STK40: variants seen among roughly 807,000 people sequenced by gnomAD.
STK40 encodes the protein serine/threonine kinase 40.
A neutral mutation model predicts 47.9 loss-of-function variants in STK40; 13 were observed. The observed-to-expected ratio is 0.27, with a 90% CI of 0.18 to 0.43. STK40 has a LOEUF of 0.43. Among genes scored for constraint, STK40 ranks in the 20% least tolerant of loss-of-function variants. The pLI, the probability that STK40 is intolerant of heterozygous loss-of-function variation, is 1.00. For missense variants in STK40, 460 were observed against 595.1 expected (o/e 0.77, Z 2.36); for synonymous variants, 225 against 243.2 (o/e 0.93, Z 0.69).
At chr1:36,369,467 C>A (rs1557520356) in intron 1 of STK40, among the ~76,000 whole-genome samples, 1 of 152,172 alleles carries the variant, frequency 6.6e-6, no homozygotes. Context: ...TAGAATACTT[C>A]TCCAGCCTCA....
intron 1 of STK40, among the ~76,000 whole-genome samples, chr1:36,378,522 G>A (rs1246692975): frequency 1.3e-5 from 2 of 151,688 alleles, no homozygotes; most frequent in South Asian, 2.1e-4. Context: ...GCAGTGACAC[G>A]ATCTTGGCTC....
Position 36,358,836 on chromosome 1 carries a change from A to C in STK40, c.113-14T>G, listed in dbSNP as rs756894171. ...CCAGACGGGGACCTACGGCACAGAG[A>C]GCTGCTGGTCTACTTTTCAGAAGCC... is the stretch of plus-strand genomic sequence containing the variant. On this transcript the variant is annotated splice_polypyrimidine_tract_variant and intron_variant, in intron 2 of 10. Transcript: ENST00000373132. The C allele has an allele frequency of 2.5e-6, 4 of 1,614,060 alleles. No individual in the cohort carries two copies. Among genetic ancestry groups the C allele is most frequent in the Middle Eastern group, 1.7e-4 (1 of 6,060 alleles).
intron 1 of STK40, among the ~76,000 whole-genome samples, chr1:36,379,683 G>C (rs562303302): frequency 6.6e-6 from 1 of 152,172 alleles, no homozygotes; most frequent in African/African-American, 2.4e-5. Flanking sequence ...CCCGGCCTGG[G>C]TTGTAGCCTC....
intron 6 of STK40, among the ~76,000 whole-genome samples, chr1:36,353,145 C>T (rs1291198989): frequency 6.6e-6 from 1 of 152,246 alleles, no homozygotes; most frequent in African/African-American, 2.4e-5. Flanking sequence ...GAATCACCCA[C>T]CACAACACTT....
At chr1:36,375,171 G>C (rs1300130236) in intron 1 of STK40, among the ~76,000 whole-genome samples, 1 of 152,162 alleles carries the variant, frequency 6.6e-6, no homozygotes, top group Non-Finnish European at 1.5e-5. Context: ...AGGATTGCCA[G>C]GGCCCAGTAC....
intron 1 of STK40, among the ~76,000 whole-genome samples, chr1:36,367,197 C>G (rs1273456000): frequency 6.6e-6 from 1 of 152,086 alleles, no homozygotes; most frequent in Non-Finnish European, 1.5e-5. Context: ...CCCTTAGAAC[C>G]TGAACTCAAC....
rs150288399 is a variant in STK40, at chr1:36,366,280, C to T, written c.-8-4940G>A. ...CCCGCCCCTCCCCCATCTCAGGATT[C>T]GACTCAAGCAAATGGCGTGGGAACT... On this transcript the variant is annotated intron_variant, in intron 1 of 10. Transcript: ENST00000373132. Among the ~76,000 whole-genome samples, 161 of 152,246 alleles carry T rather than the reference C, an allele frequency of 1.1e-3. No individual in the cohort carries two copies. The East Asian group carries it at 0.024, about 23-fold the overall frequency.
At chr1:36,358,689 A>G in intron 3 of STK40, 48 bp downstream of exon 3, 1 of 1,596,438 alleles carries the variant, frequency 6.3e-7, no homozygotes, top group Non-Finnish European at 8.6e-7. Flanking sequence ...GTGGGTTGGC[A>G]TGACAGGCCC....
At chr1:36,384,682 T>G (rs1160590361) in intron 1 of STK40, among the ~76,000 whole-genome samples, 7 of 152,222 alleles carry the variant, frequency 4.6e-5, no homozygotes, top group Non-Finnish European at 7.3e-5. Context: ...GGACTCTTGT[T>G]GTGGTCATGT....
intron 6 of STK40, among the ~76,000 whole-genome samples, chr1:36,350,458 C>T (rs1444915522): frequency 2.0e-5 from 3 of 152,168 alleles, no homozygotes; most frequent in Admixed American, 6.5e-5. Context: ...GGAGAAAGTA[C>T]GGTGGGTTTG....
At position 36,344,101 on chromosome 1, in the gene STK40, C is replaced by T; in HGVS notation, c.884+19G>A. On this transcript the variant is annotated intron_variant, in intron 8 of 10. Coordinates refer to ENST00000373132, the MANE Select transcript of STK40 (RefSeq NM_001282547.2). ...ATCAGGCTGGCTGCCCCCCCCACCC[C>T]CCGGGAGGCAGGACTCACTCAGGAA... 1 of 1,583,502 alleles carries T rather than the reference C, an allele frequency of 6.3e-7. No individual in the cohort carries two copies. Among genetic ancestry groups the T allele is most frequent in the Non-Finnish European group, 8.6e-7 (1 of 1,163,476 alleles).
At chr1:36,350,383 C>T (rs1352681329) in intron 6 of STK40, among the ~76,000 whole-genome samples, 1 of 152,122 alleles carries the variant, frequency 6.6e-6, no homozygotes, top group East Asian at 1.9e-4. Flanking sequence ...CAGAGATGGC[C>T]GCGGAAGCTG....
chr1:36,341,569 T>C lies in STK40; in HGVS notation c.*186A>G, dbSNP rs117303705. 5.5e-4 allele frequency: 345 copies of C among 631,024 alleles called. 3 individuals carry two copies. In the East Asian group the frequency reaches 9.4e-3, roughly 17 times the overall value. The allele number at this position is 631,024 out of a possible 1,614,324, so 39.1% of individuals were successfully genotyped here. On this transcript the variant is annotated 3_prime_UTR_variant, in exon 11 of 11. Transcript: ENST00000373132. Reference sequence around the variant, plus strand: ...ATTTAAAAACCAAACAATCGAGCAATCATCCCAAAAGGTAGCTTCGTGGTA... The same window carrying C: ...ATTTAAAAACCAAACAATCGAGCAACCATCCCAAAAGGTAGCTTCGTGGTA...
At position 36,354,433 on chromosome 1, in the gene STK40, G is replaced by A. The variant is rs370348613; in HGVS notation, c.571-17C>T. On this transcript the variant is annotated splice_polypyrimidine_tract_variant and intron_variant, in intron 5 of 10. Transcript: ENST00000373132. ...GATATTTTTCTGTAAAACAACAGGC[G>A]TATGGTTTACATTGTCAATGTGAGA... is the stretch of plus-strand genomic sequence containing the variant. The A allele has an allele frequency of 3.7e-5, 59 of 1,613,784 alleles. No homozygotes were observed. Among genetic ancestry groups the A allele is most frequent in the Non-Finnish European group, 4.6e-5 (54 of 1,179,760 alleles).
chr1:36,371,478 C>T (rs1253278223), intron 1 of STK40, among the ~76,000 whole-genome samples: 2 of 150,894 alleles, frequency 1.3e-5, no homozygotes, highest in Non-Finnish European at 3.0e-5. Flanking sequence ...GGCGTGAACC[C>T]AGGAGGCGGA....
chr1:36,344,271 GCACA>G lies in STK40; in HGVS notation c.740-11_740-8del. 1 of 1,590,742 alleles carries G rather than the reference GCACA, an allele frequency of 6.3e-7. No individual in the cohort carries two copies. Among genetic ancestry groups the G allele is most frequent in the Non-Finnish European group, 8.6e-7 (1 of 1,168,910 alleles). ...TTGCCACGGTACGGCCGGCCTACGG[GCACA>G]CACATACCACACTGTCTTCAGGCCA... On this transcript the variant is annotated splice_polypyrimidine_tract_variant and splice_region_variant and intron_variant, in intron 7 of 10. Transcript: ENST00000373132.
intron 2 of STK40, among the ~76,000 whole-genome samples, chr1:36,360,496 G>C (rs1465049370): frequency 2.6e-5 from 4 of 151,464 alleles, no homozygotes; most frequent in Admixed American, 1.3e-4. Flanking sequence ...TTGGATGATA[G>C]ATCTTGGGTT....
rs1388462717 is a variant in STK40 at position 36,358,831 on chromosome 1, C to G, written c.113-9G>C. The G allele has an allele frequency of 8.1e-6, 13 of 1,614,118 alleles. No individual in the cohort carries two copies. Among genetic ancestry groups the G allele is most frequent in the Non-Finnish European group, 1.1e-5 (13 of 1,180,014 alleles). On this transcript the variant is annotated splice_polypyrimidine_tract_variant and intron_variant, in intron 2 of 10. Coordinates refer to ENST00000373132, the MANE Select transcript of STK40 (RefSeq NM_001282547.2). ...GTTGCCCAGACGGGGACCTACGGCA[C>G]AGAGAGCTGCTGGTCTACTTTTCAG... is the stretch of plus-strand genomic sequence containing the variant.
chr1:36,344,092 C>T, intron 8 of STK40, 28 bp downstream of exon 8: 4 of 1,583,370 alleles, frequency 2.5e-6, no homozygotes, highest in South Asian at 2.3e-5. Flanking sequence ...CTGGCTGCCC[C>T]CCCCACCCCC....
Sources: allele counts gnomAD v4.1 joint callset (sites outside exome capture counted in the v4.1 genomes callset), GRCh38; gene constraint gnomAD v4.1.1; transcripts MANE v1.5; gene names NCBI Gene and HGNC (gene_info 2026-07-23, HGNC 2026-07-21).